Variants in ANAPC10 observed in about 807,000 individuals in gnomAD.
ANAPC10 encodes anaphase-promoting complex subunit 10.
Under a neutral mutation model 22.0 loss-of-function variants are expected in ANAPC10, and 12 were observed. The observed-to-expected ratio is 0.55, with a 90% CI of 0.35 to 0.88. ANAPC10 has a LOEUF of 0.88. Among genes scored for constraint, ANAPC10 ranks in the 40% least tolerant of loss-of-function variants. The probability of loss-of-function intolerance (pLI) is 0.01; values close to 1 mark genes in which losing one functional copy is unlikely to be tolerated. For missense variants in ANAPC10, 188 were observed against 220.9 expected, an observed-to-expected ratio of 0.85 and a Z score of 0.94; for synonymous variants, 65 against 69.5, an observed-to-expected ratio of 0.94 and a Z score of 0.32.
intron 4 of ANAPC10, among the ~76,000 whole-genome samples, chr4:145,037,721 C>A (rs2127107842): frequency 6.6e-6 from 1 of 152,178 alleles, no homozygotes; most frequent in Middle Eastern, 3.4e-3. Context: ...CCAAGGCAGG[C>A]AGATCCCTGG....
intron 4 of ANAPC10, among the ~76,000 whole-genome samples, chr4:145,040,124 T>A (rs1739283591): frequency 2.2e-5 from 1 of 45,222 alleles, no homozygotes; most frequent in Admixed American, 3.6e-4. Context: ...TTTTAGTGTG[T>A]GTGTATGTGT....
At chr4:145,012,626 C>A (rs887168800) in intron 4 of ANAPC10, among the ~76,000 whole-genome samples, 4 of 152,018 alleles carry the variant, frequency 2.6e-5, no homozygotes, top group African/African-American at 9.7e-5. Flanking sequence ...GTAGAAAAAT[C>A]TGAATAGAAT....
intron 3 of ANAPC10, among the ~76,000 whole-genome samples, chr4:145,070,848 A>G (rs1186702964): frequency 1.3e-5 from 2 of 152,248 alleles, no homozygotes; most frequent in Non-Finnish European, 2.9e-5. Flanking sequence ...TACAACATGA[A>G]TGAACCTTGA....
intron 4 of ANAPC10, among the ~76,000 whole-genome samples, chr4:145,044,356 CT>C (rs1316716464): frequency 2.0e-5 from 3 of 152,072 alleles, no homozygotes; most frequent in South Asian, 2.1e-4. Context: ...AAAGACAGTA[CT>C]TTTTAGAGAT....
At chr4:145,061,122 C>T (rs1742826797) in intron 4 of ANAPC10, among the ~76,000 whole-genome samples, 1 of 151,966 alleles carries the variant, frequency 6.6e-6, no homozygotes, top group Non-Finnish European at 1.5e-5. Flanking sequence ...TATTACTGGT[C>T]TCATGAGGCT....
intron 4 of ANAPC10, among the ~76,000 whole-genome samples, chr4:145,012,077 AGT>A (rs1375663602): frequency 6.6e-6 from 1 of 151,914 alleles, no homozygotes; most frequent in Non-Finnish European, 1.5e-5. Flanking sequence ...CGGGAGAAAA[AGT>A]GAACTTTCCC....
rs1731371183 is a variant in ANAPC10 at position 144,994,727 on chromosome 4, C to T, written c.*646G>A. On this transcript the variant is annotated 3_prime_UTR_variant, in exon 5 of 5. Coordinates refer to ENST00000507656, the MANE Select transcript of ANAPC10 (RefSeq NM_001256706.2). The stretch of plus-strand genomic sequence containing the variant: ...TGCTAGAACTCTTCCATAAGTACTG[C>T]TAGATTATACAGGCAATCTTTACAT... 6.6e-6 allele frequency: 1 copy of T among 152,026 alleles called. No individual in the cohort carries two copies. Among genetic ancestry groups the T allele is most frequent in the Non-Finnish European group, 1.5e-5 (1 of 67,956 alleles). The allele number at this position is 152,026 out of a possible 1,614,324, so 9.4% of individuals were successfully genotyped here.
chr4:145,097,507 A>G, intron 1 of ANAPC10: 1 of 1,287,180 alleles, frequency 7.8e-7, no homozygotes, highest in Non-Finnish European at 1.0e-6. Context: ...TTTCCTTGAC[A>G]CCTCCCATTG....
intron 4 of ANAPC10, among the ~76,000 whole-genome samples, chr4:145,007,332 T>C (rs1733543708): frequency 6.6e-6 from 1 of 152,124 alleles, no homozygotes; most frequent in Non-Finnish European, 1.5e-5. Flanking sequence ...ATGAACAGAA[T>C]ATACATTCTT....
At position 145,018,453 on chromosome 4, in the gene ANAPC10, G is replaced by T. The variant is rs143877015; in HGVS notation, c.328-22850C>A. Among the ~76,000 whole-genome samples, 245 of 151,972 alleles carry T rather than the reference G, an allele frequency of 1.6e-3. 1 individual carries two copies. Among genetic ancestry groups the T allele is most frequent in the African/African-American group, 5.5e-3 (229 of 41,466 alleles). ...ATTTGAAACCAGCCTAACCAACATGGTGAAACCCCATCTCTACTAAAAATA... is the reference window on the plus strand; with the variant it reads ...ATTTGAAACCAGCCTAACCAACATGTTGAAACCCCATCTCTACTAAAAATA... On this transcript the variant is annotated intron_variant, in intron 4 of 4. Coordinates refer to ENST00000507656, the MANE Select transcript of ANAPC10 (RefSeq NM_001256706.2).
At chr4:145,034,368 A>G (rs2127077932) in intron 4 of ANAPC10, among the ~76,000 whole-genome samples, 1 of 152,072 alleles carries the variant, frequency 6.6e-6, no homozygotes, top group South Asian at 2.1e-4. Context: ...CCCAGCCTGC[A>G]TCTTTCTCCT....
chr4:145,057,942 G>A (rs1035708830), intron 4 of ANAPC10, among the ~76,000 whole-genome samples: 18 of 152,004 alleles, frequency 1.2e-4, no homozygotes, highest in Admixed American at 4.6e-4. Flanking sequence ...TTAAATCCTC[G>A]TAATTTTTAC....
chr4:145,076,140 C>A (rs1048655727), intron 3 of ANAPC10, among the ~76,000 whole-genome samples: 1 of 152,246 alleles, frequency 6.6e-6, no homozygotes, highest in Non-Finnish European at 1.5e-5. Context: ...GGGCTGCTGC[C>A]AGCATACATT....
chr4:145,018,412 T>G (rs926635071), intron 4 of ANAPC10, among the ~76,000 whole-genome samples: 5 of 151,872 alleles, frequency 3.3e-5, no homozygotes, highest in African/African-American at 1.2e-4. Context: ...GGCGGGCAGA[T>G]TACTTGAGGT....
intron 2 of ANAPC10, among the ~76,000 whole-genome samples, chr4:145,084,578 G>A (rs1002094491): frequency 6.6e-6 from 1 of 150,544 alleles, no homozygotes; most frequent in Non-Finnish European, 1.5e-5. Flanking sequence ...TAGTTGATGA[G>A]CTAAAAAAAA....
chr4:145,012,185 T>TAC (rs1734444042), intron 4 of ANAPC10, among the ~76,000 whole-genome samples: 1 of 144,134 alleles, frequency 6.9e-6, no homozygotes, highest in Non-Finnish European at 1.5e-5. Flanking sequence ...TGTATATATA[T>TAC]ATATATATAT....
chr4:145,008,489 C>T (rs969536723), intron 4 of ANAPC10, among the ~76,000 whole-genome samples: 7 of 152,134 alleles, frequency 4.6e-5, no homozygotes, highest in Non-Finnish European at 8.8e-5. Context: ...TTACCCACCA[C>T]GATCAAGTCA....
chr4:145,093,293 C>T (rs577600962), intron 2 of ANAPC10, among the ~76,000 whole-genome samples: 8 of 152,180 alleles, frequency 5.3e-5, no homozygotes, highest in African/African-American at 1.7e-4. Context: ...TGAAGGTAAC[C>T]ATAGCAATAA....
chr4:145,096,171 T>G (rs1748484214), intron 1 of ANAPC10, 60 bp from the exon 2 acceptor site: 2 of 1,561,332 alleles, frequency 1.3e-6, no homozygotes, highest in East Asian at 4.5e-5. Context: ...TCTACAAAAG[T>G]TTTTTACCAA....
Sources: allele counts gnomAD v4.1 joint callset (sites outside exome capture counted in the v4.1 genomes callset), GRCh38; gene constraint gnomAD v4.1.1; transcripts MANE v1.5; gene names NCBI Gene and HGNC (gene_info 2026-07-23, HGNC 2026-07-21).